RAD51B: variants seen among roughly 807,000 people sequenced by gnomAD.
RAD51B encodes DNA repair protein RAD51 homolog 2.
RAD51B carries 38 observed loss-of-function variants against 42.2 expected under a neutral mutation model. The observed-to-expected ratio is 0.90, with a 90% CI of 0.70 to 1.18. The LOEUF (loss-of-function observed/expected upper bound fraction) is 1.18. Among genes scored for constraint, RAD51B ranks in the 50% most tolerant of loss-of-function variants. The pLI is 0.00. For missense variants in RAD51B, 373 were observed against 400.7 expected, an observed-to-expected ratio of 0.93 and a Z score of 0.59; for synonymous variants, 154 against 145.2, an observed-to-expected ratio of 1.06 and a Z score of -0.43.
chr14:68,635,460 G>A (rs979023024), intron 10 of RAD51B, among the ~76,000 whole-genome samples: 8 of 152,098 alleles, frequency 5.3e-5, no homozygotes, highest in Admixed American at 2.0e-4. Context: ...CAAGCTACAC[G>A]TGTCATTTTA....
chr14:68,289,981 T>C (rs969218689), intron 7 of RAD51B, among the ~76,000 whole-genome samples: 1 of 152,174 alleles, frequency 6.6e-6, no homozygotes, highest in Non-Finnish European at 1.5e-5. Context: ...CTTAAAAGAT[T>C]GTCTTTGCTA....
At chr14:68,626,548 C>T (rs1892087286) in intron 10 of RAD51B, among the ~76,000 whole-genome samples, 1 of 152,242 alleles carries the variant, frequency 6.6e-6, no homozygotes, top group Non-Finnish European at 1.5e-5. Flanking sequence ...CACCATCACT[C>T]ACTCACATGG....
At chr14:68,166,451 A>G (rs553118380) in intron 7 of RAD51B, among the ~76,000 whole-genome samples, 47 of 152,198 alleles carry the variant, frequency 3.1e-4, no homozygotes, top group Non-Finnish European at 4.9e-4. Flanking sequence ...TTAGACCCAG[A>G]GTATAGTAAA....
chr14:68,233,453 T>C (rs2080186110), intron 7 of RAD51B, among the ~76,000 whole-genome samples: 2 of 152,242 alleles, frequency 1.3e-5, no homozygotes, highest in African/African-American at 4.8e-5. Flanking sequence ...ATTTAGGTCA[T>C]ACTATAAGGT....
chr14:68,080,715 A>C (rs1035614167), intron 7 of RAD51B, among the ~76,000 whole-genome samples: 6 of 152,186 alleles, frequency 3.9e-5, no homozygotes, highest in African/African-American at 1.4e-4. Flanking sequence ...TGAAAAGTCT[A>C]CTTTCTCATC....
intron 7 of RAD51B, among the ~76,000 whole-genome samples, chr14:67,905,675 A>G (rs1025131533): frequency 6.6e-6 from 1 of 151,932 alleles, no homozygotes; most frequent in Non-Finnish European, 1.5e-5. Flanking sequence ...GTGTGTGGCT[A>G]TTGTGAATAG....
chr14:68,193,291 C>T (rs920025981), intron 7 of RAD51B, among the ~76,000 whole-genome samples: 2 of 152,194 alleles, frequency 1.3e-5, no homozygotes, highest in Non-Finnish European at 2.9e-5. Flanking sequence ...TCTACTTGGA[C>T]TTAAATGTTG....
chr14:68,045,236 CAAAAAA>C (rs537073885), intron 7 of RAD51B, among the ~76,000 whole-genome samples: 5 of 22,080 alleles, frequency 2.3e-4, no homozygotes, highest in African/African-American at 5.4e-4. Flanking sequence ...AACTCTGTCT[CAAAAAA>C]AAAAAAAAAA....
At chr14:68,486,566 G>A (rs1043561284) in intron 10 of RAD51B, among the ~76,000 whole-genome samples, 2 of 152,168 alleles carry the variant, frequency 1.3e-5, no homozygotes, top group African/African-American at 4.8e-5. Flanking sequence ...CTATCTTTGT[G>A]TCAATAACAT....
chr14:67,981,933 C>CTTTA (rs147028005), intron 7 of RAD51B, among the ~76,000 whole-genome samples: 14 of 151,964 alleles, frequency 9.2e-5, no homozygotes, highest in African/African-American at 1.9e-4. Context: ...CAATTGTACA[C>CTTTA]TTTATTTATT....
intron 7 of RAD51B, among the ~76,000 whole-genome samples, chr14:68,038,797 A>C (rs1463866130): frequency 2.0e-5 from 3 of 152,194 alleles, no homozygotes; most frequent in Non-Finnish European, 4.4e-5. Flanking sequence ...GTAAAAATTA[A>C]ACTATATAAA....
intron 7 of RAD51B, among the ~76,000 whole-genome samples, chr14:67,940,033 TATATATATATATATATATATA>T (rs1439175829): frequency 7.2e-5 from 1 of 13,818 alleles, no homozygotes; most frequent in Non-Finnish European, 1.6e-4. Flanking sequence ...CATATATATA[TATATATATATATATATATATA>T]TTTTTTTTTT....
intron 11 of RAD51B, among the ~76,000 whole-genome samples, chr14:68,674,128 T>C (rs1893251884): frequency 6.6e-6 from 1 of 151,944 alleles, no homozygotes; most frequent in Non-Finnish European, 1.5e-5. Flanking sequence ...CATACACACA[T>C]ACACACACAT....
chr14:68,386,136 C>CT lies in RAD51B; in HGVS notation c.854-25282dup, dbSNP rs576687964. Reference sequence around the variant, plus strand: ...ATCCTTTGGAGGTTATTGTTGCCCCCTTTTTTACAAATGGGCACTTTGAGA... The same window carrying CT: ...ATCCTTTGGAGGTTATTGTTGCCCCCTTTTTTTACAAATGGGCACTTTGAGA... On this transcript the variant is annotated intron_variant, in intron 8 of 10. Coordinates refer to ENST00000471583, the MANE Select transcript of RAD51B (RefSeq NM_133510.4). Among the ~76,000 whole-genome samples the CT allele has an allele frequency of 2.9e-3, 449 of 152,218 alleles. 2 individuals carry two copies. The highest frequency in any genetic ancestry group is 0.01 in the African/African-American group (419 of 41,532).
At chr14:67,842,496 A>C (rs568154220) in intron 4 of RAD51B, among the ~76,000 whole-genome samples, 1 of 152,204 alleles carries the variant, frequency 6.6e-6, no homozygotes, top group South Asian at 2.1e-4. Context: ...CAGCCTTTCA[A>C]GTAGCTGGGA....
At chr14:68,648,645 A>G (rs1892633005) in intron 10 of RAD51B, among the ~76,000 whole-genome samples, 1 of 149,290 alleles carries the variant, frequency 6.7e-6, no homozygotes, top group South Asian at 2.1e-4. Context: ...AACTAGTGGG[A>G]CAAAGCTCAA....
chr14:67,834,030 AT>A (rs1242790513), intron 3 of RAD51B, among the ~76,000 whole-genome samples: 1 of 152,176 alleles, frequency 6.6e-6, no homozygotes, highest in African/African-American at 2.4e-5. Context: ...GACAACAGAA[AT>A]TTATTCTCTT....
At chr14:68,073,080 T>G (rs1401700941) in intron 7 of RAD51B, among the ~76,000 whole-genome samples, 1 of 152,116 alleles carries the variant, frequency 6.6e-6, no homozygotes, top group East Asian at 1.9e-4. Flanking sequence ...AAGTCTCCAA[T>G]ATTCTGCCTC....
downstream of RAD51B, among the ~76,000 whole-genome samples, chr14:68,479,731 C>G (rs1455906866): frequency 7.5e-6 from 1 of 134,082 alleles, no homozygotes; most frequent in Non-Finnish European, 1.5e-5. Flanking sequence ...TACAGCAGTG[C>G]TATCACAGCT....
Sources: gnomAD v4.1 joint callset for allele counts (sites outside exome capture counted in the v4.1 genomes callset) on GRCh38, gnomAD v4.1.1 for gene constraint, MANE v1.5 for transcripts, NCBI Gene and HGNC (gene_info 2026-07-23, HGNC 2026-07-21) for gene names.